Variants in SNX24 observed in about 807,000 individuals in gnomAD.
SNX24 encodes the protein sorting nexin 24.
SNX24 carries 22 observed loss-of-function variants against 28.7 expected under a neutral mutation model. The observed-to-expected ratio is 0.77, with a 90% CI of 0.55 to 1.10. The LOEUF (loss-of-function observed/expected upper bound fraction) is 1.10. Ranked by LOEUF, SNX24 falls within the 50% of genes least tolerant of loss-of-function variation. SNX24 has a pLI of 0.00. For synonymous variants in SNX24, 69 were observed against 71.5 expected, an observed-to-expected ratio of 0.96 and a Z score of 0.18; for missense variants, 221 against 201.1, an observed-to-expected ratio of 1.10 and a Z score of -0.60.
At chr5:122,895,097 C>T (rs1171843637) in intron 1 of SNX24, among the ~76,000 whole-genome samples, 4 of 149,680 alleles carry the variant, frequency 2.7e-5, no homozygotes, top group African/African-American at 9.8e-5. Context: ...TCAGCCAAAA[C>T]AGTAAATCTT....
Position 122,928,063 on chromosome 5 carries a change from C to G in SNX24, c.61-8671C>G, listed in dbSNP as rs1395048978. Reference sequence around the variant, plus strand: ...CATTTTTATGTATTTTTACATTTTTCCACATGCAGTCATCAGCTTATCCTG... The same window carrying G: ...CATTTTTATGTATTTTTACATTTTTGCACATGCAGTCATCAGCTTATCCTG... On this transcript the variant is annotated intron_variant, in intron 1 of 6. Coordinates refer to ENST00000261369, the MANE Select transcript of SNX24 (RefSeq NM_014035.4). 1.3e-5 allele frequency among the ~76,000 whole-genome samples: 2 copies of G among 152,116 alleles called. 1 individual carries two copies. Among genetic ancestry groups the G allele is most frequent in the Non-Finnish European group, 2.9e-5 (2 of 68,028 alleles).
chr5:122,922,249 G>T (rs1302957599), intron 1 of SNX24, among the ~76,000 whole-genome samples: 2 of 151,934 alleles, frequency 1.3e-5, no homozygotes, highest in African/African-American at 4.8e-5. Flanking sequence ...TTTTTGTGGG[G>T]TTTTTGTTTG....
At chr5:122,903,780 GT>G (rs1757536895) in intron 1 of SNX24, among the ~76,000 whole-genome samples, 1 of 152,078 alleles carries the variant, frequency 6.6e-6, no homozygotes, top group Non-Finnish European at 1.5e-5. Context: ...AGAAGGGTAT[GT>G]TTTTAAATTT....
At chr5:122,905,742 A>G (rs1254792412) in intron 1 of SNX24, among the ~76,000 whole-genome samples, 1 of 152,200 alleles carries the variant, frequency 6.6e-6, no homozygotes, top group Non-Finnish European at 1.5e-5. Context: ...ACTCAGATAT[A>G]ACTTCCATCT....
At chr5:122,949,253 A>G (rs1360536246) in intron 3 of SNX24, among the ~76,000 whole-genome samples, 1 of 152,214 alleles carries the variant, frequency 6.6e-6, no homozygotes, top group Non-Finnish European at 1.5e-5. Context: ...AAAAGCCTAC[A>G]GTTAGCATTT....
At chr5:122,898,528 C>G (rs181896671) in intron 1 of SNX24, among the ~76,000 whole-genome samples, 37 of 152,264 alleles carry the variant, frequency 2.4e-4, no homozygotes, top group African/African-American at 8.2e-4. Flanking sequence ...TGGCAGCACT[C>G]TGAGTTTGTG....
At chr5:122,977,618 C>T (rs1450289373) in intron 3 of SNX24, among the ~76,000 whole-genome samples, 1 of 152,174 alleles carries the variant, frequency 6.6e-6, no homozygotes, top group Non-Finnish European at 1.5e-5. Flanking sequence ...AAATTTCTGC[C>T]TTTAAATTAT....
At chr5:122,987,329 C>T (rs920708260) in intron 3 of SNX24, among the ~76,000 whole-genome samples, 1 of 152,160 alleles carries the variant, frequency 6.6e-6, no homozygotes, top group Non-Finnish European at 1.5e-5. Context: ...TTAGGCCCCA[C>T]CCAAGACCAG....
intron 1 of SNX24, among the ~76,000 whole-genome samples, chr5:122,861,229 A>T (rs899493682): frequency 1.3e-5 from 2 of 152,106 alleles, no homozygotes; most frequent in African/African-American, 4.8e-5. Flanking sequence ...AATCCCAGCT[A>T]CTTGGGAGGC....
At chr5:122,996,170 G>A (rs1293452922) in intron 3 of SNX24, among the ~76,000 whole-genome samples, 1 of 152,180 alleles carries the variant, frequency 6.6e-6, no homozygotes, top group Non-Finnish European at 1.5e-5. Context: ...AGAGCTGAAG[G>A]CATTAATGAA....
chr5:123,010,831 C>T (rs1388597140), downstream of SNX24, among the ~76,000 whole-genome samples: 4 of 150,300 alleles, frequency 2.7e-5, no homozygotes, highest in South Asian at 4.2e-4. Flanking sequence ...AATGGTAGCA[C>T]GCAATACCCA....
At chr5:122,973,304 G>A (rs1331107477) in intron 3 of SNX24, among the ~76,000 whole-genome samples, 1 of 152,180 alleles carries the variant, frequency 6.6e-6, no homozygotes, top group African/African-American at 2.4e-5. Flanking sequence ...CTCCTCCCAT[G>A]CAAAGTGTAC....
chr5:122,881,631 G>A (rs1756484116), intron 1 of SNX24, among the ~76,000 whole-genome samples: 1 of 152,090 alleles, frequency 6.6e-6, no homozygotes, highest in African/African-American at 2.4e-5. Context: ...ATTCTGCTAA[G>A]CTTCAGATTC....
intron 2 of SNX24, among the ~76,000 whole-genome samples, chr5:122,938,465 C>G (rs1759279395): frequency 1.3e-5 from 2 of 152,218 alleles, no homozygotes; most frequent in Admixed American, 1.3e-4. Flanking sequence ...TTGTTGGCAG[C>G]CTTGTTAAAA....
At chr5:122,867,650 G>A (rs1755780937) in intron 1 of SNX24, among the ~76,000 whole-genome samples, 1 of 152,206 alleles carries the variant, frequency 6.6e-6, no homozygotes, top group South Asian at 2.1e-4. Context: ...GATGACAGTG[G>A]TGACTGGGGA....
intron 2 of SNX24, among the ~76,000 whole-genome samples, chr5:122,938,602 T>C (rs1561626482): frequency 6.6e-6 from 1 of 152,220 alleles, no homozygotes. Context: ...TCTCCTTTAC[T>C]TGCCCCCTTG....
chr5:122,918,703 C>T (rs1758291468), intron 1 of SNX24, among the ~76,000 whole-genome samples: 1 of 152,108 alleles, frequency 6.6e-6, no homozygotes, highest in Non-Finnish European at 1.5e-5. Flanking sequence ...TTAACATTCT[C>T]ATATTTATTG....
intron 3 of SNX24, among the ~76,000 whole-genome samples, chr5:122,956,635 G>A (rs30071): frequency 0.71 from 108,631 of 152,114 alleles, 39,481 homozygotes; most frequent in East Asian, 0.99. Flanking sequence ...TGGCTGTACC[G>A]TTTTATTTCC....
At chr5:122,854,145 A>T (rs1755061230) in intron 1 of SNX24, among the ~76,000 whole-genome samples, 1 of 151,890 alleles carries the variant, frequency 6.6e-6, no homozygotes, top group Non-Finnish European at 1.5e-5. Context: ...AAAGGGAATT[A>T]TTTTTTCTTC....
Sources: allele counts gnomAD v4.1 joint callset (sites outside exome capture counted in the v4.1 genomes callset), GRCh38; gene constraint gnomAD v4.1.1; transcripts MANE v1.5; gene names NCBI Gene and HGNC (gene_info 2026-07-23, HGNC 2026-07-21).